Variants in SNX24 observed in about 807,000 individuals in gnomAD.
SNX24 encodes the protein sorting nexin 24.
A neutral mutation model predicts 28.7 loss-of-function variants in SNX24; 22 were observed. The observed-to-expected ratio is 0.77, with a 90% CI of 0.55 to 1.10. The LOEUF is 1.10. Among genes scored for constraint, SNX24 ranks in the 50% least tolerant of loss-of-function variants. The probability of loss-of-function intolerance (pLI) is 0.00; values close to 1 mark genes in which losing one functional copy is unlikely to be tolerated. For missense variants in SNX24, 221 were observed against 201.1 expected (o/e 1.10, Z -0.60); for synonymous variants, 69 against 71.5 (o/e 0.96, Z 0.18).
intron 1 of SNX24, among the ~76,000 whole-genome samples, chr5:122,888,914 T>A (rs1007590423): frequency 6.6e-6 from 1 of 152,172 alleles, no homozygotes; most frequent in Non-Finnish European, 1.5e-5. Context: ...TGCAGTGGCG[T>A]GATCTCAGCT....
intron 3 of SNX24, among the ~76,000 whole-genome samples, chr5:122,965,865 A>G (rs576195789): frequency 2.2e-4 from 33 of 152,346 alleles, no homozygotes; most frequent in African/African-American, 5.8e-4. Flanking sequence ...TATTAAATCT[A>G]TCTTTCCCAA....
intron 1 of SNX24, among the ~76,000 whole-genome samples, chr5:122,930,630 G>A (rs868336508): frequency 1.3e-5 from 2 of 152,118 alleles, no homozygotes; most frequent in Middle Eastern, 3.4e-3. Context: ...TAAGAAAGTT[G>A]GATTTCTTTT....
chr5:122,925,407 G>A (rs407572), intron 1 of SNX24, among the ~76,000 whole-genome samples: 107,050 of 149,856 alleles, frequency 0.71, 38,924 homozygotes, highest in East Asian at 0.99. Flanking sequence ...TCTCAGGCAC[G>A]TGCCACCATA....
chr5:122,881,689 G>A (rs761273224), intron 1 of SNX24, among the ~76,000 whole-genome samples: 2 of 150,906 alleles, frequency 1.3e-5, no homozygotes, highest in Non-Finnish European at 1.5e-5. Context: ...GTTATTGTGA[G>A]GATTGAATAA....
chr5:122,898,270 C>T (rs1188413637), intron 1 of SNX24, among the ~76,000 whole-genome samples: 2 of 152,128 alleles, frequency 1.3e-5, no homozygotes, highest in Non-Finnish European at 2.9e-5. Context: ...CCTATTTTCC[C>T]TGATACACGT....
In SNX24 at chr5:122,845,637, G is replaced by A; in HGVS notation, c.4G>A (p.Glu2Lys). ...CAGCCGGCTGGCCGGCGCGGCCATG[G>A]AGGTCTACATCCCGTCCTTTCGCTA... Reference protein sequence around the residue: MEVYIPSFRYEE... With the variant: MKVYIPSFRYEE... Residue 2 changes from glutamate to lysine, a missense_variant, in exon 1 of 7, where the codon GAG becomes AAG. Transcript: ENST00000261369. The A allele has an allele frequency of 7.1e-7, 1 of 1,417,736 alleles. No homozygotes were observed. The highest frequency in any genetic ancestry group is 9.3e-7 in the Non-Finnish European group (1 of 1,076,956). 87.8% of individuals were successfully genotyped at this position (1,417,736 alleles called of 1,614,324 possible). A position where few individuals can be genotyped will look rare whatever the true frequency, so the allele number is the denominator to read the frequency against.
rs79691179 is a variant in SNX24 at position 122,998,866 on chromosome 5, A to G, written c.250-1046A>G. Among the ~76,000 whole-genome samples the G allele has an allele frequency of 8.4e-3, 1,284 of 152,344 alleles. 22 individuals are homozygous for G. The highest frequency in any genetic ancestry group is 0.03 in the African/African-American group (1,231 of 41,586). On this transcript the variant is annotated intron_variant, in intron 3 of 6. Transcript: ENST00000261369. The stretch of plus-strand genomic sequence containing the variant: ...TGTATCTTATGCACCACCCTTACAC[A>G]GTATTCCTGATCAGTTGTGTGAGTG...
intron 1 of SNX24, among the ~76,000 whole-genome samples, chr5:122,900,856 A>G (rs1443916518): frequency 1.3e-5 from 2 of 152,202 alleles, no homozygotes; most frequent in Non-Finnish European, 2.9e-5. Context: ...TTCAGTTATC[A>G]TTATAAGTAA....
chr5:122,845,869 C>T (rs886870398), intron 1 of SNX24, among the ~76,000 whole-genome samples, 176 bp downstream of exon 1: 7 of 151,958 alleles, frequency 4.6e-5, no homozygotes, highest in African/African-American at 1.7e-4. Context: ...AAACGGGCGC[C>T]CCTCCCGGGC....
Position 122,968,656 on chromosome 5 carries a change from G to A in SNX24, c.249+22497G>A, listed in dbSNP as rs540378798. 2.0e-3 allele frequency among the ~76,000 whole-genome samples: 312 copies of A among 152,198 alleles called. 1 individual carries two copies. The highest frequency in any genetic ancestry group is 3.8e-3 in the Non-Finnish European group (260 of 68,004). On this transcript the variant is annotated intron_variant, in intron 3 of 6. Transcript: ENST00000261369. ...AGTCATTAAAACCAGGTATTGATGA[G>A]ATAAGCTGAATTTTCAGTCACTGTT...
Position 122,980,184 on chromosome 5 carries a change from AT to A in SNX24, c.250-19719del, listed in dbSNP as rs911586616. Reference sequence around the variant, plus strand: ...GTTTAGCCAACTTTAATTTTTTGCAATTTTTTTTTGCAATTTATAATTTTAA... The same window carrying A: ...GTTTAGCCAACTTTAATTTTTTGCAATTTTTTTTGCAATTTATAATTTTAA... On this transcript the variant is annotated intron_variant, in intron 3 of 6. Transcript: ENST00000261369. 1.4e-3 allele frequency among the ~76,000 whole-genome samples: 217 copies of A among 151,476 alleles called. 1 individual carries two copies. Among genetic ancestry groups the A allele is most frequent in the African/African-American group, 4.7e-3 (196 of 41,348 alleles).
intron 3 of SNX24, among the ~76,000 whole-genome samples, chr5:122,981,329 T>G (rs1713307127): frequency 6.6e-6 from 1 of 152,212 alleles, no homozygotes; most frequent in Admixed American, 6.5e-5. Flanking sequence ...AGGAAAAATT[T>G]GGTCAGCATC....
chr5:123,028,986 TTC>T, intron 5 of SNX24: 7 of 976,452 alleles, frequency 7.2e-6, no homozygotes, highest in Non-Finnish European at 1.1e-5. Flanking sequence ...CAGAACTTGA[TTC>T]TATCCCAGCT....
chr5:123,022,650 C>T (rs893485292), intron 5 of SNX24: 5 of 152,278 alleles, frequency 3.3e-5, no homozygotes, highest in Admixed American at 3.3e-4. Context: ...CCAGTGGCCA[C>T]CATATTGATG....
intron 3 of SNX24, among the ~76,000 whole-genome samples, chr5:122,958,231 A>G (rs1237426455): frequency 1.4e-5 from 2 of 141,346 alleles, no homozygotes; most frequent in Non-Finnish European, 3.0e-5. Context: ...TTTTGTCATG[A>G]AAGGGTGTTG....
intron 1 of SNX24, among the ~76,000 whole-genome samples, chr5:122,852,231 G>A (rs1033277997): frequency 2.6e-5 from 4 of 151,556 alleles, no homozygotes; most frequent in African/African-American, 9.7e-5. Flanking sequence ...TTGTTACGTA[G>A]GTAAACATGT....
intron 6 of SNX24, among the ~76,000 whole-genome samples, chr5:123,004,111 A>G (rs1762342524): frequency 6.6e-6 from 1 of 152,176 alleles, no homozygotes; most frequent in South Asian, 2.1e-4. Flanking sequence ...TTCTTCACAG[A>G]TGTACTGACC....
intron 3 of SNX24, among the ~76,000 whole-genome samples, chr5:122,983,762 GC>G (rs1343376033): frequency 7.1e-6 from 1 of 141,198 alleles, no homozygotes; most frequent in Non-Finnish European, 1.7e-5. Context: ...GTGCAACCAT[GC>G]CCTGTTAATT....
At chr5:123,015,359 A>G (rs1762661605) in intron 5 of SNX24, among the ~76,000 whole-genome samples, 1 of 152,224 alleles carries the variant, frequency 6.6e-6, no homozygotes, top group African/African-American at 2.4e-5. Flanking sequence ...GATTTGTTAC[A>G]TCCTCCTTGT....
Sources: allele counts gnomAD v4.1 joint callset (sites outside exome capture counted in the v4.1 genomes callset), GRCh38; gene constraint gnomAD v4.1.1; transcripts MANE v1.5; gene names NCBI Gene and HGNC (gene_info 2026-07-23, HGNC 2026-07-21).